FIRRM: variants seen among roughly 807,000 people sequenced by gnomAD.
FIRRM encodes FIGNL1 interacting regulator of recombination and mitosis, also known as FIGNL1-interacting regulator of recombination and mitosis.
the FIRRM span, among the ~76,000 whole-genome samples, chr1:169,845,235 T>C: frequency 1.3e-5 from 2 of 152,214 alleles, no homozygotes; most frequent in African/African-American, 4.8e-5. Context: ...GCATTATGTG[T>C]AAAAAATGTA....
At chr1:169,844,898 TTCTG>T in the FIRRM span, among the ~76,000 whole-genome samples, 2 of 152,300 alleles carry the variant, frequency 1.3e-5, no homozygotes, top group Non-Finnish European at 2.9e-5. Context: ...GATTATGGCC[TTCTG>T]TCTAAATTTT....
chr1:169,798,741 G>T, the FIRRM span: 2 of 356,592 alleles, frequency 5.6e-6, no homozygotes, highest in Non-Finnish European at 1.0e-5. Flanking sequence ...TCACAATACT[G>T]TTTACCTAAT....
the FIRRM span, chr1:169,852,163 C>A: frequency 1.7e-6 from 1 of 586,642 alleles, no homozygotes. Flanking sequence ...TGGTAGTAAC[C>A]TTTAAGGGAA....
At chr1:169,784,696 G>A in the FIRRM span, among the ~76,000 whole-genome samples, 4 of 152,252 alleles carry the variant, frequency 2.6e-5, no homozygotes, top group African/African-American at 9.6e-5. Flanking sequence ...ACTAACAAAG[G>A]AAATGCACAA....
chr1:169,840,742 C>T, the FIRRM span, among the ~76,000 whole-genome samples: 6 of 152,042 alleles, frequency 3.9e-5, no homozygotes, highest in Non-Finnish European at 5.9e-5. Context: ...GATCTCCTGA[C>T]ATTGTGATCC....
the FIRRM span, among the ~76,000 whole-genome samples, chr1:169,802,928 C>T: frequency 6.6e-6 from 1 of 152,168 alleles, no homozygotes; most frequent in African/African-American, 2.4e-5. Flanking sequence ...CTAGCTGACC[C>T]TACCTGTATT....
At chr1:169,807,796 G>A in the FIRRM span, 2 of 1,587,322 alleles carry the variant, frequency 1.3e-6, no homozygotes, top group Non-Finnish European at 1.7e-6. Context: ...TTTAGGCAGA[G>A]CCTTAAGCAC....
the FIRRM span, chr1:169,851,006 T>A: frequency 1.7e-3 from 55 of 33,160 alleles, no homozygotes; most frequent in Non-Finnish European, 2.9e-3. Context: ...TTTTTTTTTT[T>A]ATTTGGGCAG....
chr1:169,804,041 G>T, the FIRRM span: 1 of 1,369,222 alleles, frequency 7.3e-7, no homozygotes, highest in Non-Finnish European at 9.6e-7. Flanking sequence ...GCTTTGATTT[G>T]TTTTTTCTCT....
chr1:169,833,946 G>T, the FIRRM span, among the ~76,000 whole-genome samples: 3 of 148,174 alleles, frequency 2.0e-5, no homozygotes, highest in African/African-American at 7.5e-5. Flanking sequence ...CTGCCTCGGC[G>T]TCCCAAAGTG....
At chr1:169,798,157 T>C in the FIRRM span, among the ~76,000 whole-genome samples, 1 of 152,202 alleles carries the variant, frequency 6.6e-6, no homozygotes, top group Non-Finnish European at 1.5e-5. Flanking sequence ...GGTGTGCATC[T>C]CTAATCCCAG....
At chr1:169,842,622 G>C in the FIRRM span, 101 of 1,490,068 alleles carry the variant, frequency 6.8e-5, no homozygotes, top group East Asian at 2.3e-3. Context: ...TTCCAGTGTA[G>C]AGTAAAATGT....
At chr1:169,826,028 G>A in the FIRRM span, 20 of 267,286 alleles carry the variant, frequency 7.5e-5, no homozygotes, top group East Asian at 1.7e-3. Context: ...GAGAAACTGA[G>A]TATTAATTCA....
the FIRRM span, among the ~76,000 whole-genome samples, chr1:169,845,002 A>G: frequency 6.6e-6 from 1 of 152,228 alleles, no homozygotes; most frequent in Non-Finnish European, 1.5e-5. Context: ...TGTTGCCTAC[A>G]AAGCCTAAAA....
the FIRRM span, among the ~76,000 whole-genome samples, chr1:169,806,825 G>A: frequency 3.3e-5 from 5 of 152,162 alleles, no homozygotes; most frequent in Admixed American, 2.6e-4. Flanking sequence ...TTCTCTGAAC[G>A]TTAGTTTGCT....
At chr1:169,850,995 TTTTTTTTTTTTATTTG>T in the FIRRM span, 9 of 54,500 alleles carry the variant, frequency 1.7e-4, no homozygotes, top group Non-Finnish European at 2.8e-4. Flanking sequence ...TTTTTTTTTT[TTTTTTTTTTTTATTTG>T]GGCAGCCTCC....
the FIRRM span, chr1:169,805,878 C>T: frequency 1.6e-6 from 1 of 633,974 alleles, no homozygotes; most frequent in Non-Finnish European, 2.7e-6. Context: ...CAACTGTTTC[C>T]AAGTTGTGTT....
chr1:169,852,555 T>C, the FIRRM span: 21 of 535,698 alleles, frequency 3.9e-5, no homozygotes, highest in Non-Finnish European at 5.6e-5. Context: ...AGGATACTTG[T>C]TGTATACCAC....
chr1:169,793,173 G>A, the FIRRM span: 4 of 1,614,126 alleles, frequency 2.5e-6, no homozygotes, highest in Non-Finnish European at 3.4e-6. Flanking sequence ...TAAGCCAGGA[G>A]GTCAAAGGTA....
Sources: allele counts gnomAD v4.1 joint callset (sites outside exome capture counted in the v4.1 genomes callset), GRCh38; gene constraint gnomAD v4.1.1; transcripts MANE v1.5; gene names NCBI Gene and HGNC (gene_info 2026-07-23, HGNC 2026-07-21).